The following PTPRD variants were observed in gnomAD, a reference collection of about 807,000 sequenced individuals.
PTPRD encodes the protein protein tyrosine phosphatase receptor type D.
PTPRD carries 34 observed loss-of-function variants against 214.5 expected under a neutral mutation model. That is an observed-to-expected ratio of 0.16 (90% confidence interval 0.12 to 0.21). PTPRD has a LOEUF of 0.21. Ranked by LOEUF, PTPRD falls within the 10% of genes least tolerant of loss-of-function variation. The pLI, the probability that PTPRD is intolerant of heterozygous loss-of-function variation, is 1.00. For missense variants in PTPRD, 2,545 were observed against 2,398.7 expected, an observed-to-expected ratio of 1.06 and a Z score of -1.27; for synonymous variants, 1,128 against 845.7, an observed-to-expected ratio of 1.33 and a Z score of -5.79.
At chr9:10,174,828 T>G (rs185776367) in intron 3 of PTPRD, among the ~76,000 whole-genome samples, 128 of 152,216 alleles carry the variant, frequency 8.4e-4, no homozygotes, top group African/African-American at 2.8e-3. Flanking sequence ...TTAAACTCTA[T>G]GCTTAATGTT....
At chr9:9,952,989 G>A (rs1386399106) in intron 4 of PTPRD, among the ~76,000 whole-genome samples, 1 of 152,102 alleles carries the variant, frequency 6.6e-6, no homozygotes, top group African/African-American at 2.4e-5. Context: ...GAACATTGTG[G>A]AAGCCAGAAA....
intron 4 of PTPRD, among the ~76,000 whole-genome samples, chr9:10,003,360 G>A (rs955304205): frequency 1.3e-5 from 2 of 151,774 alleles, no homozygotes; most frequent in South Asian, 4.1e-4. Flanking sequence ...TAATTTTTAA[G>A]CAATAAAACC....
chr9:8,745,124 T>C (rs575391927), intron 11 of PTPRD, among the ~76,000 whole-genome samples: 3 of 152,224 alleles, frequency 2.0e-5, no homozygotes, highest in East Asian at 3.9e-4. Flanking sequence ...CACAGACTGA[T>C]AAAAATCAGA....
intron 9 of PTPRD, among the ~76,000 whole-genome samples, chr9:9,260,963 C>T (rs368570450): frequency 9.9e-5 from 15 of 151,850 alleles, no homozygotes; most frequent in Non-Finnish European, 1.6e-4. Flanking sequence ...GGTATTTTCT[C>T]GCAATCCTCT....
At chr9:9,479,225 C>A (rs990488397) in intron 8 of PTPRD, among the ~76,000 whole-genome samples, 4 of 86,946 alleles carry the variant, frequency 4.6e-5, no homozygotes, top group Non-Finnish European at 7.5e-5. Context: ...GCCCCCCCCC[C>A]CCCCACACAC....
intron 4 of PTPRD, among the ~76,000 whole-genome samples, chr9:9,966,741 G>T (rs1463893820): frequency 6.6e-6 from 1 of 152,088 alleles, no homozygotes; most frequent in Non-Finnish European, 1.5e-5. Context: ...AGTGTTAACT[G>T]CTCCTGAGGA....
chr9:9,655,225 A>C (rs533625990), intron 7 of PTPRD, among the ~76,000 whole-genome samples: 2 of 152,318 alleles, frequency 1.3e-5, no homozygotes, highest in South Asian at 2.1e-4. Flanking sequence ...ACTGTTATCC[A>C]AAATATGCAA....
intron 9 of PTPRD, among the ~76,000 whole-genome samples, chr9:9,384,961 T>C (rs2140501381): frequency 6.6e-6 from 1 of 152,292 alleles, no homozygotes; most frequent in South Asian, 2.1e-4. Context: ...ATATATATGT[T>C]CAATATATCA....
At chr9:9,067,699 A>G (rs2099737093) in intron 10 of PTPRD, among the ~76,000 whole-genome samples, 2 of 152,250 alleles carry the variant, frequency 1.3e-5, no homozygotes, top group Admixed American at 6.5e-5. Context: ...ACAGAGAGAC[A>G]TCAAATAGGC....
intron 9 of PTPRD, among the ~76,000 whole-genome samples, chr9:9,244,702 A>T (rs1024280251): frequency 3.3e-5 from 5 of 152,090 alleles, no homozygotes; most frequent in Non-Finnish European, 7.4e-5. Context: ...AACCTAGGCA[A>T]TACCATTCAG....
At chr9:8,752,553 T>C (rs893243859) in intron 11 of PTPRD, among the ~76,000 whole-genome samples, 1 of 152,220 alleles carries the variant, frequency 6.6e-6, no homozygotes, top group Non-Finnish European at 1.5e-5. Context: ...CTTTACTCTA[T>C]GGACTCGCCC....
Position 10,365,629 on chromosome 9 carries a change from T to C in PTPRD, c.-599-24612A>G, listed in dbSNP as rs146193495. On this transcript the variant is annotated intron_variant, in intron 2 of 45. Coordinates refer to ENST00000381196, the MANE Select transcript of PTPRD (RefSeq NM_002839.4). Reference sequence around the variant, plus strand: ...TATCGACTTCTAGCAGGCAAGGGATTCTCTCATAGTTTTTAGAACATAAGA... The same window carrying C: ...TATCGACTTCTAGCAGGCAAGGGATCCTCTCATAGTTTTTAGAACATAAGA... Among the ~76,000 whole-genome samples, 883 of 152,238 alleles carry C rather than the reference T, an allele frequency of 5.8e-3. 6 individuals carry two copies. The highest frequency in any genetic ancestry group is 0.02 in the African/African-American group (840 of 41,528).
chr9:8,694,298 A>AT lies in PTPRD; in HGVS notation c.64+39481dup, dbSNP rs532898032. 3.4e-3 allele frequency among the ~76,000 whole-genome samples: 512 copies of AT among 150,928 alleles called. 1 individual carries two copies. Among genetic ancestry groups the AT allele is most frequent in the African/African-American group, 0.012 (482 of 41,218 alleles). ...TGGGAGAGAAATTTTAAAAGTTGTA[A>AT]TTTTTTTTTTCATGTTTAGCAAAAG... is the stretch of plus-strand genomic sequence containing the variant. On this transcript the variant is annotated intron_variant, in intron 12 of 45. Coordinates refer to ENST00000381196, the MANE Select transcript of PTPRD (RefSeq NM_002839.4).
At chr9:9,842,870 G>C (rs2058668495) in intron 5 of PTPRD, among the ~76,000 whole-genome samples, 1 of 151,892 alleles carries the variant, frequency 6.6e-6, no homozygotes, top group South Asian at 2.1e-4. Context: ...AACATAATTA[G>C]AACAGTAGTA....
Position 8,952,172 on chromosome 9 carries a change from T to G in PTPRD, c.-104+66525A>C, listed in dbSNP as rs191372216. On this transcript the variant is annotated intron_variant, in intron 11 of 45. Transcript: ENST00000381196. The stretch of plus-strand genomic sequence containing the variant: ...TTTCATGAGGGCAGGGACTTTGTTT[T>G]GCTTACTTTTTTGCTTTGTTTTGTT... Among the ~76,000 whole-genome samples, 672 of 152,156 alleles carry G rather than the reference T, an allele frequency of 4.4e-3. 3 individuals carry two copies. The highest frequency in any genetic ancestry group is 6.5e-3 in the Non-Finnish European group (445 of 67,962).
intron 11 of PTPRD, among the ~76,000 whole-genome samples, chr9:8,762,078 C>G (rs886874655): frequency 6.6e-5 from 10 of 151,996 alleles, no homozygotes; most frequent in Non-Finnish European, 1.2e-4. Flanking sequence ...TTTTTAATGT[C>G]CATACTATAG....
intron 8 of PTPRD, among the ~76,000 whole-genome samples, chr9:9,448,247 G>A (rs989529068): frequency 6.6e-6 from 1 of 151,944 alleles, no homozygotes; most frequent in Non-Finnish European, 1.5e-5. Flanking sequence ...ACTCTGATAC[G>A]GTTTGGCTAT....
chr9:10,185,576 G>A (rs573598599), intron 3 of PTPRD, among the ~76,000 whole-genome samples: 2 of 152,224 alleles, frequency 1.3e-5, no homozygotes, highest in Non-Finnish European at 2.9e-5. Flanking sequence ...GGGAGAATTG[G>A]TAACTTGTCT....
At chr9:8,360,427 G>A (rs1482923568) in intron 39 of PTPRD, among the ~76,000 whole-genome samples, 3 of 152,162 alleles carry the variant, frequency 2.0e-5, no homozygotes, top group Admixed American at 2.0e-4. Flanking sequence ...TGCATTTGAG[G>A]TTAATGTCAA....
Sources: gnomAD v4.1 joint callset for allele counts (sites outside exome capture counted in the v4.1 genomes callset) on GRCh38, gnomAD v4.1.1 for gene constraint, MANE v1.5 for transcripts, NCBI Gene and HGNC (gene_info 2026-07-23, HGNC 2026-07-21) for gene names.